Variants in DNAL4 observed in about 807,000 individuals in gnomAD.
The protein encoded by DNAL4 is dynein light chain, outer arm 4.
DNAL4 carries 10 observed loss-of-function variants against 12.6 expected under a neutral mutation model. The observed-to-expected ratio is 0.79, with a 90% CI of 0.49 to 1.34. The LOEUF is 1.34. Ranked by LOEUF, DNAL4 falls within the 40% of genes most tolerant of loss-of-function variation. The pLI is 0.00. For synonymous variants in DNAL4, 46 were observed against 53.1 expected (o/e 0.87, Z 0.58); for missense variants, 128 against 138.1 (o/e 0.93, Z 0.37).
At chr22:38,787,878 C>A (rs7290947) in intron 1 of DNAL4, among the ~76,000 whole-genome samples, 61,944 of 152,002 alleles carry the variant, frequency 0.41, 14,963 homozygotes, top group Admixed American at 0.58. Flanking sequence ...GTCACTGGAG[C>A]TCAGAGAGGT....
rs937386865 is a variant in DNAL4, at chr22:38,779,216, A to T, written c.*233T>A. On this transcript the variant is annotated 3_prime_UTR_variant, in exon 4 of 4. Transcript: ENST00000216068. The surrounding 1 kb of genome is among the most constrained non-coding windows in gnomAD (Gnocchi z 4.3). ...GCCCCACCCCACGTCTCCCACACAGACCCATGCCCGCTGCCCCGTCCACAC... is the reference window on the plus strand; with the variant it reads ...GCCCCACCCCACGTCTCCCACACAGTCCCATGCCCGCTGCCCCGTCCACAC... 3.2e-5 allele frequency: 15 copies of T among 463,940 alleles called. No individual in the cohort carries two copies. Among genetic ancestry groups the T allele is most frequent in the African/African-American group, 2.9e-4 (15 of 51,440 alleles). 28.7% of individuals were successfully genotyped at this position (463,940 alleles called of 1,614,324 possible).
intron 2 of DNAL4, among the ~76,000 whole-genome samples, chr22:38,781,625 T>C (rs559939154): frequency 3.9e-5 from 6 of 152,320 alleles, no homozygotes; most frequent in South Asian, 2.1e-4. Context: ...CTTGACAGCC[T>C]CACTTAGATG....
Position 38,779,411 on chromosome 22 carries a change from G to C in DNAL4, c.*38C>G, listed in dbSNP as rs1312237572. On this transcript the variant is annotated 3_prime_UTR_variant, in exon 4 of 4. Transcript: ENST00000216068. The surrounding 1 kb of genome is among the most constrained non-coding windows in gnomAD (Gnocchi z 4.3). ...GCTCCCCACCCCAGATGAGTGGCAG[G>C]AAAAGGCCCTGCAGGGGACGGGGCA... is the stretch of plus-strand genomic sequence containing the variant. 6 of 1,542,162 alleles carry C rather than the reference G, an allele frequency of 3.9e-6. No individual in the cohort carries two copies. In the African/African-American group the frequency reaches 5.5e-5, roughly 14 times the overall value.
intron 1 of DNAL4, among the ~76,000 whole-genome samples, chr22:38,783,719 A>C (rs969777503): frequency 2.0e-5 from 3 of 151,912 alleles, no homozygotes; most frequent in Non-Finnish European, 4.4e-5. Flanking sequence ...TGGGCCCCAG[A>C]CTCCTCACCA....
At chr22:38,784,378 C>T (rs1157062769) in intron 1 of DNAL4, among the ~76,000 whole-genome samples, 1 of 152,154 alleles carries the variant, frequency 6.6e-6, no homozygotes, top group Non-Finnish European at 1.5e-5. Flanking sequence ...ACCCCTTGTT[C>T]ATACGCCTCC....
chr22:38,790,959 G>A (rs1010250022), intron 1 of DNAL4, among the ~76,000 whole-genome samples: 6 of 152,284 alleles, frequency 3.9e-5, no homozygotes, highest in Middle Eastern at 6.8e-3. Flanking sequence ...CTTGAAGTCA[G>A]GAGTTCGAGA....
chr22:38,780,687 C>T, intron 3 of DNAL4: 1 of 511,204 alleles, frequency 2.0e-6, no homozygotes, highest in South Asian at 2.4e-5. Flanking sequence ...GGAACATGGG[C>T]AGGGGCGTCA....
chr22:38,791,534 ATATTTTGTATTTTTAG>A (rs1035883223), intron 1 of DNAL4, among the ~76,000 whole-genome samples: 6 of 147,892 alleles, frequency 4.1e-5, no homozygotes, highest in African/African-American at 1.5e-4. Flanking sequence ...TTGTATTTTT[ATATTTTGTATTTTTAG>A]TATTTTGTAT....
intron 1 of DNAL4, among the ~76,000 whole-genome samples, chr22:38,783,471 G>A (rs941212818): frequency 5.3e-5 from 8 of 152,256 alleles, no homozygotes; most frequent in African/African-American, 1.7e-4. Context: ...GCTTAGGAAG[G>A]GAAATGTTCA....
chr22:38,783,708 C>G lies in DNAL4; in HGVS notation c.-139-838G>C, dbSNP rs1417920276. On this transcript the variant is annotated intron_variant, in intron 1 of 3. Transcript: ENST00000216068. ...TCAGTCAGTCACCAGCAGTATGGCC[C>G]TGGGCCCCAGACTCCTCACCAGTAA... 3.3e-5 allele frequency among the ~76,000 whole-genome samples: 5 copies of G among 152,220 alleles called. No individual in the cohort carries two copies. The East Asian group carries it at 7.7e-4, about 23-fold the overall frequency.
At chr22:38,790,772 G>C (rs969421781) in intron 1 of DNAL4, among the ~76,000 whole-genome samples, 1 of 152,180 alleles carries the variant, frequency 6.6e-6, no homozygotes, top group African/African-American at 2.4e-5. Context: ...AGGCTATATG[G>C]TACGGCCTAT....
intron 3 of DNAL4, among the ~76,000 whole-genome samples, chr22:38,780,003 C>G (rs2093031836): frequency 6.6e-6 from 1 of 152,174 alleles, no homozygotes; most frequent in Non-Finnish European, 1.5e-5. Context: ...ATGGAGAGAC[C>G]TGGCACCCTG....
At position 38,782,569 on chromosome 22, in the gene DNAL4, C is replaced by T; in HGVS notation, c.69+94G>A. 2 of 1,315,862 alleles carry T rather than the reference C, an allele frequency of 1.5e-6. No individual in the cohort carries two copies. Among genetic ancestry groups the T allele is most frequent in the South Asian group, 2.5e-5 (2 of 79,038 alleles). The allele number at this position is 1,315,862 out of a possible 1,614,324, so 81.5% of individuals were successfully genotyped here. A position where few individuals can be genotyped will look rare whatever the true frequency, so the allele number is the denominator to read the frequency against. ...CCAGCAGAGCCCTTCTTAACTTCCT[C>T]CCACTGCCATCCTGCAAGGGACAAG... On this transcript the variant is annotated intron_variant, in intron 2 of 3. Transcript: ENST00000216068. The surrounding 1 kb of genome is among the most constrained non-coding windows in gnomAD (Gnocchi z 5.1).
At chr22:38,784,759 C>T (rs2093039667) in intron 1 of DNAL4, among the ~76,000 whole-genome samples, 1 of 152,156 alleles carries the variant, frequency 6.6e-6, no homozygotes, top group Non-Finnish European at 1.5e-5. Context: ...GTGATCCGCC[C>T]ACCTCAGCCT....
intron 3 of DNAL4, among the ~76,000 whole-genome samples, chr22:38,780,132 G>A (rs574677421): frequency 6.6e-6 from 1 of 152,316 alleles, no homozygotes; most frequent in South Asian, 2.1e-4. Flanking sequence ...CCCCCTGTGT[G>A]AGGAGGTCTA....
At chr22:38,785,815 T>C (rs2093041385) in intron 1 of DNAL4, 1 of 152,216 alleles carries the variant, frequency 6.6e-6, no homozygotes, top group Non-Finnish European at 1.5e-5. Context: ...CAGGAAGCTG[T>C]TGCAAGCCCC....
intron 1 of DNAL4, among the ~76,000 whole-genome samples, chr22:38,789,143 C>T (rs1262248779): frequency 1.3e-5 from 2 of 152,206 alleles, no homozygotes; most frequent in Non-Finnish European, 2.9e-5. Flanking sequence ...CTCTGTCAGA[C>T]AGGTACTACT....
chr22:38,786,639 C>T (rs2093042711), intron 1 of DNAL4, among the ~76,000 whole-genome samples: 3 of 152,206 alleles, frequency 2.0e-5, no homozygotes, highest in East Asian at 1.9e-4. Flanking sequence ...TACAGAAGCT[C>T]GACTCCAGCC....
In DNAL4 at chr22:38,779,578, C is replaced by T. The variant is rs752638859; in HGVS notation, c.189G>A (p.Lys63=). Residue 63 remains lysine (K), a synonymous_variant, in exon 4 of 4, where the codon AAG becomes AAA. Transcript: ENST00000216068. This position sits in a 1 kb window ranked among gnomAD's most constrained non-coding sequence, Gnocchi z 4.3. ...AAKMIKETMD[K]KFGSSWHVVI... is the part of the protein sequence containing the mutation. ...CCACGTGCCAGGAGGAGCCGAACTT[C>T]TTGTCCATTGTCTCTTTGATCATCT... 5.6e-6 allele frequency: 9 copies of T among 1,598,186 alleles called. No homozygotes were observed. In the African/African-American group the frequency reaches 9.4e-5, roughly 17 times the overall value.
Sources: allele counts gnomAD v4.1 joint callset (sites outside exome capture counted in the v4.1 genomes callset), GRCh38; gene constraint gnomAD v4.1.1; non-coding constraint Gnocchi (gnomAD v3.1); transcripts MANE v1.5; gene names NCBI Gene and HGNC (gene_info 2026-07-23, HGNC 2026-07-21).